Variants in NBAS observed in about 807,000 individuals in gnomAD.
The protein encoded by NBAS is NAG/BC035112 fusion.
Under a neutral mutation model 302.5 loss-of-function variants are expected in NBAS, and 219 were observed. The observed-to-expected ratio is 0.72, with a 90% CI of 0.65 to 0.81. NBAS has a LOEUF of 0.81. Ranked by LOEUF, NBAS falls within the 30% of genes least tolerant of loss-of-function variation. NBAS has a pLI of 0.00. For missense variants in NBAS, 2,932 were observed against 2,841.6 expected (o/e 1.03, Z -0.72); for synonymous variants, 1,118 against 1,021.6 (o/e 1.09, Z -1.80).
At chr2:15,271,762 A>C (rs1669335509) in intron 44 of NBAS, among the ~76,000 whole-genome samples, 1 of 152,208 alleles carries the variant, frequency 6.6e-6, no homozygotes, top group Non-Finnish European at 1.5e-5. Flanking sequence ...AATACCAAGC[A>C]AATTGTGTTC....
In NBAS at chr2:15,276,906, G is replaced by A. The variant is rs1222244550; in HGVS notation, c.5334C>T (p.Ala1778=). The change falls in exon 43 of 52, where the codon GCC becomes GCT. Residue 1778 remains alanine (A), a synonymous_variant. Transcript: ENST00000281513. ...NCGCADLGNC[A]IKPETHIRLL... ...GTCGAATGTGGGTTTCTGGTTTAAT[G>A]GCACAGTTCCCCAAATCTGCACAGC... 3 of 1,613,902 alleles carry A rather than the reference G, an allele frequency of 1.9e-6. No homozygotes were observed. Among genetic ancestry groups the A allele is most frequent in the Non-Finnish European group, 1.7e-6 (2 of 1,179,976 alleles).
the NBAS span, among the ~76,000 whole-genome samples, chr2:14,817,500 A>AT: frequency 2.0e-5 from 3 of 152,262 alleles, no homozygotes; most frequent in Middle Eastern, 6.8e-3. Context: ...TTGGCTCCCC[A>AT]TTGCTTTATG....
chr2:15,129,439 C>T, the NBAS span, among the ~76,000 whole-genome samples: 1 of 152,168 alleles, frequency 6.6e-6, no homozygotes, highest in Non-Finnish European at 1.5e-5. Flanking sequence ...AGAATGGAGG[C>T]ATCAGAGTCT....
At chr2:15,122,003 G>A in the NBAS span, among the ~76,000 whole-genome samples, 3 of 152,216 alleles carry the variant, frequency 2.0e-5, no homozygotes, top group African/African-American at 7.2e-5. Context: ...CATTACAGTG[G>A]TTAAGATCTT....
chr2:15,144,036 C>CATATATATATATATATATATATTAT, the NBAS span, among the ~76,000 whole-genome samples: 1 of 80,024 alleles, frequency 1.2e-5, no homozygotes, highest in South Asian at 4.4e-4. Flanking sequence ...TATATATTAT[C>CATATATATATATATATATATATTAT]CTATATATAA....
At chr2:14,795,887 T>C in the NBAS span, among the ~76,000 whole-genome samples, 2 of 151,730 alleles carry the variant, frequency 1.3e-5, no homozygotes, top group Non-Finnish European at 2.9e-5. Flanking sequence ...GCCCCTGATA[T>C]TGAACCACTG....
chr2:15,319,065 A>G (rs557381288), intron 38 of NBAS, among the ~76,000 whole-genome samples: 1 of 152,336 alleles, frequency 6.6e-6, no homozygotes, highest in African/African-American at 2.4e-5. Flanking sequence ...ACCACAGTGC[A>G]ATCAAATTAG....
At chr2:14,968,366 T>C in the NBAS span, among the ~76,000 whole-genome samples, 7 of 152,218 alleles carry the variant, frequency 4.6e-5, no homozygotes, top group Admixed American at 1.3e-4. Flanking sequence ...TATGAAGAGA[T>C]GCTCAACAAC....
intron 13 of NBAS, among the ~76,000 whole-genome samples, chr2:15,476,108 T>A (rs1247842315): frequency 6.6e-6 from 1 of 152,138 alleles, no homozygotes; most frequent in Non-Finnish European, 1.5e-5. Flanking sequence ...AATTTGTCAG[T>A]CTAGGTCTAA....
At chr2:14,780,415 G>A in the NBAS span, among the ~76,000 whole-genome samples, 12 of 152,200 alleles carry the variant, frequency 7.9e-5, no homozygotes, top group Non-Finnish European at 1.6e-4. Flanking sequence ...TTCTGTGAGA[G>A]GCGATCATGC....
At chr2:15,327,968 C>T in intron 37 of NBAS, 98 bp from the exon 38 acceptor site, 6 of 1,502,150 alleles carry the variant, frequency 4.0e-6, no homozygotes, top group Non-Finnish European at 5.5e-6. Flanking sequence ...TTTCTGGTGA[C>T]TTGAATAATA....
At chr2:15,349,886 G>C (rs1279468852) in intron 35 of NBAS, among the ~76,000 whole-genome samples, 1 of 152,098 alleles carries the variant, frequency 6.6e-6, no homozygotes, top group East Asian at 1.9e-4. Flanking sequence ...GTGATCAGTG[G>C]CTACAATGAT....
chr2:15,480,003 G>C (rs1486478709), intron 12 of NBAS, among the ~76,000 whole-genome samples: 1 of 152,110 alleles, frequency 6.6e-6, no homozygotes, highest in Non-Finnish European at 1.5e-5. Context: ...TATAGTACTA[G>C]GCTTCCTACA....
the NBAS span, among the ~76,000 whole-genome samples, chr2:14,948,351 A>G: frequency 6.6e-6 from 1 of 152,068 alleles, no homozygotes; most frequent in Non-Finnish European, 1.5e-5. Context: ...TATTTTTAAT[A>G]AAAGACATTT....
At chr2:15,531,729 C>T (rs143370598) in intron 9 of NBAS, among the ~76,000 whole-genome samples, 1 of 152,278 alleles carries the variant, frequency 6.6e-6, no homozygotes, top group African/African-American at 2.4e-5. Context: ...ACACTTCTAA[C>T]TCAGGGCTTT....
chr2:15,098,001 A>T, the NBAS span, among the ~76,000 whole-genome samples: 5 of 37,512 alleles, frequency 1.3e-4, no homozygotes, highest in African/African-American at 5.3e-4. Flanking sequence ...TATTGTATAT[A>T]ATATATATAT....
intron 42 of NBAS, among the ~76,000 whole-genome samples, chr2:15,280,641 G>A (rs1669782933): frequency 6.6e-6 from 1 of 152,180 alleles, no homozygotes; most frequent in Non-Finnish European, 1.5e-5. Context: ...ACTCAATAAA[G>A]CAATGAAGCT....
At chr2:15,305,490 T>C (rs528994230) in intron 40 of NBAS, among the ~76,000 whole-genome samples, 65 of 151,372 alleles carry the variant, frequency 4.3e-4, no homozygotes, top group African/African-American at 1.2e-3. Flanking sequence ...TTCACTCTTG[T>C]TGCCCAGGCG....
chr2:15,218,782 G>A lies in NBAS; in HGVS notation c.6423C>T (p.Pro2141=). Residue 2141 remains proline, a synonymous_variant, in exon 48 of 52, where the codon CCC becomes CCT. Coordinates refer to ENST00000281513, the MANE Select transcript of NBAS (RefSeq NM_015909.4). The part of the protein sequence containing the change: ...RTEAILKASW[P]QRQVDIADIE... Reference sequence around the variant, plus strand: ...TCAGACACTCCCTTACCTGTCTCTGGGGCCAGGAGGCTTTGAGAATGGCTT... The same window carrying A: ...TCAGACACTCCCTTACCTGTCTCTGAGGCCAGGAGGCTTTGAGAATGGCTT... 1 of 1,614,208 alleles carries A rather than the reference G, an allele frequency of 6.2e-7. No individual in the cohort carries two copies. Among genetic ancestry groups the A allele is most frequent in the South Asian group, 1.1e-5 (1 of 91,086 alleles).
Sources: gnomAD v4.1 joint callset for allele counts (sites outside exome capture counted in the v4.1 genomes callset) on GRCh38, gnomAD v4.1.1 for gene constraint, MANE v1.5 for transcripts, NCBI Gene and HGNC (gene_info 2026-07-23, HGNC 2026-07-21) for gene names.